Variants in CISH observed in about 807,000 individuals in gnomAD.
The protein encoded by CISH is cytokine inducible SH2 containing protein.
In CISH, 11 loss-of-function variants were observed where a neutral mutation model predicts 21.3. The observed-to-expected ratio is 0.52, with a 90% CI of 0.32 to 0.85. CISH has a LOEUF of 0.85. Among genes scored for constraint, CISH ranks in the 40% least tolerant of loss-of-function variants. CISH has a pLI of 0.03. For synonymous variants in CISH, 118 were observed against 142.3 expected (o/e 0.83, Z 1.22); for missense variants, 280 against 351.7 (o/e 0.80, Z 1.63).
intron 1 of CISH, chr3:50,611,305 TGG>T: frequency 7.8e-7 from 1 of 1,288,994 alleles, no homozygotes; most frequent in Non-Finnish European, 9.8e-7. Flanking sequence ...GAAGAATATC[TGG>T]GATTGTTGGC....
In CISH at chr3:50,608,029, A is replaced by G; in HGVS notation, c.355T>C (p.Ser119Pro). ...GTGGGGCCACGAGTGGTTTTCACTG[A>G]CAGCGTGAACAGGTAGCTGGGGTGC... Reference protein sequence around the residue: ...STHPSYLFTLSVKTTRGPTNV... With the variant: ...STHPSYLFTLPVKTTRGPTNV... The change falls in exon 3 of 3, where the codon TCA becomes CCA. Residue 119 changes from serine (S) to proline (P), a missense_variant. Ser to Pro is a moderately conservative substitution (Grantham distance 74). Transcript: ENST00000348721. The G allele has an allele frequency of 1.9e-6, 3 of 1,614,014 alleles. No individual in the cohort carries two copies. Among genetic ancestry groups the G allele is most frequent in the Non-Finnish European group, 2.5e-6 (3 of 1,180,016 alleles).
rs28525150 is a variant in CISH at position 50,606,752 on chromosome 3, C to T, written c.*855G>A. 0.011 allele frequency: 1,674 copies of T among 152,432 alleles called. 25 individuals carry two copies. The highest frequency in any genetic ancestry group is 0.038 in the African/African-American group (1,568 of 41,560). 9.4% of individuals were successfully genotyped at this position (152,432 alleles called of 1,614,324 possible). A position where few individuals can be genotyped will look rare whatever the true frequency, so the allele number is the denominator to read the frequency against. On this transcript the variant is annotated 3_prime_UTR_variant, in exon 3 of 3. Coordinates refer to ENST00000348721, the MANE Select transcript of CISH (RefSeq NM_145071.4). The stretch of plus-strand genomic sequence containing the variant: ...TTCCTGACAGCACAGGCACTCCCCC[C>T]GGGGCCTGCGCCACAGTGAGACCAG...
In CISH at chr3:50,608,064, C is replaced by T. The variant is rs377401159; in HGVS notation, c.320G>A (p.Arg107His). 2.5e-6 allele frequency: 4 copies of T among 1,613,604 alleles called. No homozygotes were observed. Among genetic ancestry groups the T allele is most frequent in the Admixed American group, 1.7e-5 (1 of 60,000 alleles). Reference sequence around the variant, plus strand: ...CAGGTAGCTGGGGTGCGTGCTGTCACGTACTAAGAACGTGCCTTCTGGCAT... The same window carrying T: ...CAGGTAGCTGGGGTGCGTGCTGTCATGTACTAAGAACGTGCCTTCTGGCAT... The part of the protein sequence containing the change: ...QKMPEGTFLV[R>H]DSTHPSYLFT... The change falls in exon 3 of 3, where the codon CGT becomes CAT. Residue 107 changes from arginine to histidine, a missense_variant. By Grantham distance (29) the Arg-to-His change is conservative. Transcript: ENST00000348721.
In CISH at chr3:50,608,138, C is replaced by T; in HGVS notation, c.246G>A (p.Trp82Ter). ...CGCTGGCCGTAATGGAACCCCAATACCAGCCTAGGCAAGTGCAGAGGGGGC... is the reference window on the plus strand; with the variant it reads ...CGCTGGCCGTAATGGAACCCCAATATCAGCCTAGGCAAGTGCAGAGGGGGC... ...KTFSYLRESGWYWGSITASEA... is the reference protein window; with the variant it reads ...KTFSYLRESG The change falls in exon 3 of 3, where the codon TGG becomes TGA. Residue 82 changes from tryptophan (W) to a stop codon, truncating the protein, a stop_gained. Transcript: ENST00000348721. LOFTEE classifies it high-confidence loss of function. 6.2e-7 allele frequency: 1 copy of T among 1,601,664 alleles called. No individual in the cohort carries two copies. Among genetic ancestry groups the T allele is most frequent in the Non-Finnish European group, 8.5e-7 (1 of 1,172,330 alleles).
At chr3:50,611,258 G>A in intron 1 of CISH, 3 of 1,132,084 alleles carry the variant, frequency 2.6e-6, no homozygotes, top group Non-Finnish European at 3.3e-6. Context: ...TAGCAGGCAG[G>A]GCAGCAGGCA....
chr3:50,607,706 C>G lies in CISH; in HGVS notation c.678G>C (p.Leu226=). 6.2e-7 allele frequency: 1 copy of G among 1,613,864 alleles called. No homozygotes were observed. ...RRSSARSLQH[L]CRLVINRLVA... is the part of the protein sequence containing the mutation. ...CCAGACGGTTGATGACAAGGCGGCACAGGTGTTGCAGGCTGCGGGCACTGC... is the reference window on the plus strand; with the variant it reads ...CCAGACGGTTGATGACAAGGCGGCAGAGGTGTTGCAGGCTGCGGGCACTGC... The change falls in exon 3 of 3, where the codon CTG becomes CTC. Residue 226 remains leucine (L), a synonymous_variant. Transcript: ENST00000348721.
At chr3:50,610,508 G>A (rs1022778428) in intron 1 of CISH, 25 of 1,549,898 alleles carry the variant, frequency 1.6e-5, no homozygotes, top group Non-Finnish European at 1.7e-5. Flanking sequence ...CAGTAGCCCT[G>A]AGCTTACAAG....
intron 1 of CISH, chr3:50,610,813 C>A: frequency 9.0e-7 from 1 of 1,106,076 alleles, no homozygotes. Flanking sequence ...CTTCCTCTCT[C>A]CTTGGAGCTT....
At position 50,608,539 on chromosome 3, in the gene CISH, C is replaced by T. The variant is rs560471179; in HGVS notation, c.75G>A (p.Pro25=). 85 of 1,598,552 alleles carry T rather than the reference C, an allele frequency of 5.3e-5. No homozygotes were observed. The East Asian group carries it at 1.3e-3, about 25-fold the overall frequency. ...TGACTGGCTTGGGCAGTTCCAGGGA[C>T]GGGGCCCACAGGGGCCGCTGCCCAG... ...ERTGQRPLWA[P]SLELPKPVMQ... is the part of the protein sequence containing the mutation. The change falls in exon 2 of 3, where the codon CCG becomes CCA. Residue 25 remains proline (P), a synonymous_variant. Transcript: ENST00000348721.
Sources: gnomAD v4.1 joint callset for allele counts on GRCh38, gnomAD v4.1.1 for gene constraint, MANE v1.5 for transcripts, NCBI Gene and HGNC (gene_info 2026-07-23, HGNC 2026-07-21) for gene names.